USP9X: variants seen among roughly 807,000 people sequenced by gnomAD.
USP9X encodes ubiquitin carboxyl-terminal hydrolase 9X.
A neutral mutation model predicts 190.3 loss-of-function variants in USP9X; 7 were observed. The ratio of observed to expected loss-of-function variants is 0.04; its 90% CI spans 0.02 to 0.07. The LOEUF (loss-of-function observed/expected upper bound fraction) is 0.07, where lower values mean the gene tolerates loss of function less well. Ranked by LOEUF, USP9X falls within the 10% of genes least tolerant of loss-of-function variation. USP9X has a pLI of 1.00. For missense variants in USP9X, 1,010 were observed against 1,916.9 expected (o/e 0.53, Z 8.83); for synonymous variants, 645 against 659.5 (o/e 0.98, Z 0.34).
intron 14 of USP9X, among the ~76,000 whole-genome samples, chrX:41,154,966 C>T (rs2147085782): frequency 8.9e-6 from 1 of 112,032 alleles, no homozygotes; most frequent in South Asian, 3.7e-4. Context: ...TAAATCACTT[C>T]TGTGGTAACA....
chrX:41,195,711 A>G (rs2062978172), intron 26 of USP9X, among the ~76,000 whole-genome samples: 1 of 111,902 alleles, frequency 8.9e-6, no homozygotes, highest in Non-Finnish European at 1.9e-5. Context: ...GTAGTTCAAT[A>G]GGGTTTGCGC....
rs757834531 is a variant in USP9X, at chrX:41,110,798, A to G, written c.-158-12673A>G. Among the ~76,000 whole-genome samples the G allele has an allele frequency of 6.2e-5, 7 of 112,215 alleles. No individual in the cohort carries two copies. The East Asian group carries it at 1.7e-3, about 27-fold the overall frequency. ...TAAAGGCTGATTATGAATGACCTTG[A>G]ATATGTACCAGATGGAGAAGAGAAG... On this transcript the variant is annotated intron_variant, in intron 1 of 44. Coordinates refer to ENST00000378308, the MANE Select transcript of USP9X (RefSeq NM_001039591.3).
At position 41,196,753 on chromosome X, in the gene USP9X, A is replaced by T. The variant is rs2062987641; in HGVS notation, c.4233+15A>T. The T allele has an allele frequency of 9.1e-7, 1 of 1,095,407 alleles. No homozygotes were observed. The highest frequency in any genetic ancestry group is 2.7e-5 in the Admixed American group (1 of 36,394). The allele number at this position is 1,095,407 out of a possible 1,213,427, so 90.3% of individuals were successfully genotyped here. The stretch of plus-strand genomic sequence containing the variant: ...AAAGAATTAGGGTAAGTTTTAGTTA[A>T]TACTCCATTTATATGTCATTATTAG... On this transcript the variant is annotated intron_variant, in intron 28 of 44. Transcript: ENST00000378308.
At chrX:41,162,991 A>G in intron 15 of USP9X, 114 bp downstream of exon 15, 1 of 418,948 alleles carries the variant, frequency 2.4e-6, no homozygotes, top group Non-Finnish European at 3.9e-6. Flanking sequence ...TCCCCAAGTC[A>G]TGTAAGACAT....
chrX:41,131,604 G>A, intron 4 of USP9X, 68 bp downstream of exon 4: 2 of 995,910 alleles, frequency 2.0e-6, no homozygotes, highest in Non-Finnish European at 2.8e-6. Flanking sequence ...TATCCCAAAA[G>A]CGGATGAAGT....
rs1345082058 is a variant in USP9X at position 41,143,271 on chromosome X, G to T, written c.1162-20G>T. On this transcript the variant is annotated intron_variant, in intron 9 of 44. Transcript: ENST00000378308. ...TGTTTTAATTTCTGCTTTCAAACAC[G>T]TTTTTGAATTAACATTTAGGAATGG... 1 of 1,089,862 alleles carries T rather than the reference G, an allele frequency of 9.2e-7. No individual in the cohort carries two copies. 89.8% of individuals were successfully genotyped at this position (1,089,862 alleles called of 1,213,427 possible).
intron 14 of USP9X, among the ~76,000 whole-genome samples, chrX:41,154,620 A>G (rs895877311): frequency 8.9e-6 from 1 of 111,900 alleles, no homozygotes; most frequent in African/African-American, 3.3e-5. Context: ...GAATGATTAC[A>G]TTCTTCAGTT....
chrX:41,184,237 TA>T, intron 22 of USP9X, 109 bp downstream of exon 22: 1 of 1,010,598 alleles, frequency 9.9e-7, no homozygotes, highest in Non-Finnish European at 1.3e-6. Flanking sequence ...ATGATTTGGG[TA>T]AAATTGTAAT....
intron 28 of USP9X, 33 bp from the exon 29 acceptor site, chrX:41,197,331 T>TAC: frequency 2.1e-6 from 1 of 486,767 alleles, no homozygotes; most frequent in Non-Finnish European, 2.9e-6. Context: ...TTTGATTTCT[T>TAC]CCCCCCCCCA....
chrX:41,178,084 CTTTTTTTTTTTTT>C (rs758055868), intron 21 of USP9X, among the ~76,000 whole-genome samples: 18 of 34,294 alleles, frequency 5.2e-4, no homozygotes, highest in Admixed American at 1.2e-3. Context: ...AGGTTTAAAT[CTTTTTTTTTTTTT>C]TTTTTTTTTT....
At chrX:41,118,435 C>G (rs759658513) in intron 1 of USP9X, among the ~76,000 whole-genome samples, 44 of 111,810 alleles carry the variant, frequency 3.9e-4, no homozygotes, top group Non-Finnish European at 7.5e-4. Flanking sequence ...CAAGGTTCAC[C>G]CATATCGTAG....
At chrX:41,138,135 T>C (rs776691355) in intron 6 of USP9X, among the ~76,000 whole-genome samples, 9 of 111,578 alleles carry the variant, frequency 8.1e-5, no homozygotes, top group Non-Finnish European at 1.7e-4. Context: ...AGGAGAAGCA[T>C]ATTCTATGGA....
chrX:41,173,807 T>C (rs1202685196), intron 21 of USP9X, among the ~76,000 whole-genome samples: 1 of 111,745 alleles, frequency 8.9e-6, no homozygotes, highest in African/African-American at 3.3e-5. Flanking sequence ...AAAGCAAAAC[T>C]TGAATTTGCC....
rs1362850354 is a variant in USP9X at position 41,134,846 on chromosome X, T to A, written c.435+9T>A. 8.5e-7 allele frequency: 1 copy of A among 1,170,152 alleles called. No individual in the cohort carries two copies. The highest frequency in any genetic ancestry group is 1.2e-6 in the Non-Finnish European group (1 of 859,335). The stretch of plus-strand genomic sequence containing the variant: ...GGAAGTTTGAAATTCATGTGAGTCT[T>A]GCATTTGACTTTAAAGGATCAGATT... On this transcript the variant is annotated intron_variant, in intron 5 of 44. Transcript: ENST00000378308.
intron 1 of USP9X, among the ~76,000 whole-genome samples, chrX:41,093,958 A>G (rs966075575): frequency 1.8e-5 from 2 of 111,721 alleles, no homozygotes; most frequent in African/African-American, 3.3e-5. Flanking sequence ...GATACTGGCT[A>G]TGTACAGCAT....
intron 28 of USP9X, 33 bp from the exon 29 acceptor site, chrX:41,197,331 T>TCGCC: frequency 1.0e-5 from 5 of 486,762 alleles, no homozygotes; most frequent in Non-Finnish European, 1.2e-5. Context: ...TTTGATTTCT[T>TCGCC]CCCCCCCCCA....
rs2062420145 is a variant in USP9X at position 41,141,230 on chromosome X, C to T, written c.1022+13C>T. On this transcript the variant is annotated intron_variant, in intron 8 of 44. Coordinates refer to ENST00000378308, the MANE Select transcript of USP9X (RefSeq NM_001039591.3). ...AAATGATACTTAGGTAAGATACTTA[C>T]CTCTTGAAATAATTGTTAATGCCGA... 8.4e-7 allele frequency: 1 copy of T among 1,191,636 alleles called. No homozygotes were observed. Among genetic ancestry groups the T allele is most frequent in the South Asian group, 1.9e-5 (1 of 53,271 alleles).
At chrX:41,107,551 G>A (rs1014664020) in intron 1 of USP9X, among the ~76,000 whole-genome samples, 1 of 112,297 alleles carries the variant, frequency 8.9e-6, no homozygotes, top group Non-Finnish European at 1.9e-5. Context: ...AACTTCCTGC[G>A]TGTGTAGATT....
chrX:41,169,581 A>C (rs185390865), intron 18 of USP9X, among the ~76,000 whole-genome samples: 1 of 110,566 alleles, frequency 9.0e-6, no homozygotes, highest in Non-Finnish European at 1.9e-5. Context: ...CAGCCTCCCA[A>C]GTAGCTGGGA....
Sources: gnomAD v4.1 joint callset for allele counts (sites outside exome capture counted in the v4.1 genomes callset) on GRCh38, gnomAD v4.1.1 for gene constraint, MANE v1.5 for transcripts, NCBI Gene and HGNC (gene_info 2026-07-23, HGNC 2026-07-21) for gene names.